The following CHRNA7 variants were observed in gnomAD, a reference collection of about 807,000 sequenced individuals.
CHRNA7 encodes the protein cholinergic receptor nicotinic alpha 7 subunit.
A neutral mutation model predicts 48.0 loss-of-function variants in CHRNA7; 17 were observed. That is an observed-to-expected ratio of 0.35 (90% CI 0.24 to 0.53). The LOEUF (loss-of-function observed/expected upper bound fraction) is 0.53, where lower values mean the gene tolerates loss of function less well. Among genes scored for constraint, CHRNA7 ranks in the 20% least tolerant of loss-of-function variants. The pLI is 0.92. For missense variants in CHRNA7, 155 were observed against 577.7 expected, an observed-to-expected ratio of 0.27 and a Z score of 7.50; for synonymous variants, 75 against 242.3, an observed-to-expected ratio of 0.31 and a Z score of 6.41.
At chr15:32,114,061 C>CATATATATATATATATATATGT (rs35944403) in intron 4 of CHRNA7, among the ~76,000 whole-genome samples, 2 of 120,206 alleles carry the variant, frequency 1.7e-5, no homozygotes, top group Non-Finnish European at 3.3e-5. Flanking sequence ...TATATATATA[C>CATATATATATATATATATATGT]ATATATATAT....
chr15:32,032,250 C>G (rs1161735141), intron 2 of CHRNA7, among the ~76,000 whole-genome samples: 1 of 152,118 alleles, frequency 6.6e-6, no homozygotes, highest in Non-Finnish European at 1.5e-5. Flanking sequence ...ATGAGAAGAG[C>G]TGTAGGGGAA....
At chr15:32,074,668 T>TA (rs2050109644) in intron 2 of CHRNA7, among the ~76,000 whole-genome samples, 1 of 150,298 alleles carries the variant, frequency 6.7e-6, no homozygotes, top group African/African-American at 2.4e-5. Flanking sequence ...TTATTATTAT[T>TA]TTTGAGACAG....
At chr15:32,076,979 T>C (rs2050145016) in intron 2 of CHRNA7, among the ~76,000 whole-genome samples, 1 of 152,184 alleles carries the variant, frequency 6.6e-6, no homozygotes, top group Non-Finnish European at 1.5e-5. Context: ...CTTTTTATAG[T>C]ATCTATAATT....
At chr15:32,066,157 G>T (rs1467803584) in intron 2 of CHRNA7, among the ~76,000 whole-genome samples, 2 of 152,260 alleles carry the variant, frequency 1.3e-5, no homozygotes, top group Admixed American at 6.5e-5. Context: ...AAAGACTTTA[G>T]TGAGTATACA....
intron 2 of CHRNA7, 124 bp downstream of exon 2, chr15:32,031,161 GCA>G: frequency 1.8e-6 from 2 of 1,118,914 alleles, no homozygotes; most frequent in Non-Finnish European, 2.6e-6. Context: ...CCCAAGCTAG[GCA>G]GGGCCATGCT....
intron 2 of CHRNA7, among the ~76,000 whole-genome samples, chr15:32,055,529 T>C (rs1333819066): frequency 6.6e-6 from 1 of 152,130 alleles, no homozygotes. Context: ...CTAAACCTGC[T>C]CCCTTCATAA....
intron 2 of CHRNA7, among the ~76,000 whole-genome samples, chr15:32,048,187 A>C (rs541478784): frequency 6.6e-6 from 1 of 152,326 alleles, no homozygotes; most frequent in South Asian, 2.1e-4. Flanking sequence ...TGGCCTCATG[A>C]AATGAGTTAG....
rs571340707 is a variant in CHRNA7, at chr15:32,149,773, G to A, written c.351-4134G>A. Among the ~76,000 whole-genome samples, 116 of 152,058 alleles carry A rather than the reference G, an allele frequency of 7.6e-4. No individual in the cohort carries two copies. The highest frequency in any genetic ancestry group is 1.4e-3 in the Non-Finnish European group (97 of 67,962). Reference sequence around the variant, plus strand: ...AGTCACAGGTAAGCTGTTGCTAATAGCAACAGTTTTTTTATCTTGTTTTTA... The same window carrying A: ...AGTCACAGGTAAGCTGTTGCTAATAACAACAGTTTTTTTATCTTGTTTTTA... On this transcript the variant is annotated intron_variant, in intron 4 of 9. Transcript: ENST00000306901. This position sits in a 1 kb window ranked among gnomAD's most constrained non-coding sequence, Gnocchi z 4.6.
intron 4 of CHRNA7, among the ~76,000 whole-genome samples, chr15:32,140,143 G>C (rs958534730): frequency 1.4e-5 from 2 of 145,268 alleles, no homozygotes; most frequent in African/African-American, 5.1e-5. Flanking sequence ...TCATTGTTCA[G>C]TTCCCGTCTA....
intron 3 of CHRNA7, 34 bp from the exon 4 acceptor site, chr15:32,111,756 A>G: frequency 1.6e-6 from 2 of 1,271,932 alleles, no homozygotes; most frequent in Non-Finnish European, 2.3e-6. Flanking sequence ...TAGCCAAGGA[A>G]GTGAAGTGCT....
chr15:32,048,935 G>A (rs1233740246), intron 2 of CHRNA7, among the ~76,000 whole-genome samples: 1 of 150,780 alleles, frequency 6.6e-6, no homozygotes, highest in Non-Finnish European at 1.5e-5. Context: ...GTACCCAGTA[G>A]TCATTCAGGA....
intron 4 of CHRNA7, among the ~76,000 whole-genome samples, chr15:32,140,344 C>G (rs2051355349): frequency 6.6e-6 from 1 of 152,088 alleles, no homozygotes; most frequent in African/African-American, 2.4e-5. Context: ...GGGTTGGTTC[C>G]AAGTCTTTGC....
chr15:32,032,892 T>G (rs1796172317), intron 2 of CHRNA7, among the ~76,000 whole-genome samples: 1 of 152,222 alleles, frequency 6.6e-6, no homozygotes, highest in Non-Finnish European at 1.5e-5. Flanking sequence ...TAAGAGACTC[T>G]TAAGAAACCA....
intron 3 of CHRNA7, among the ~76,000 whole-genome samples, chr15:32,104,910 G>C (rs1372129342): frequency 6.6e-6 from 1 of 152,192 alleles, no homozygotes; most frequent in African/African-American, 2.4e-5. Flanking sequence ...TTATGGAGAG[G>C]TCTCTCTCCC....
chr15:32,053,219 A>G (rs2049723502), intron 2 of CHRNA7, among the ~76,000 whole-genome samples: 1 of 152,206 alleles, frequency 6.6e-6, no homozygotes, highest in African/African-American at 2.4e-5. Flanking sequence ...TTGCCTTTCA[A>G]GGCTACCACT....
Position 32,170,428 on chromosome 15 carries a change from T to G in CHRNA7, c.*1970T>G, listed in dbSNP as rs918901667. On this transcript the variant is annotated 3_prime_UTR_variant, in exon 10 of 10. Transcript: ENST00000306901. The stretch of plus-strand genomic sequence containing the variant: ...ATGAACCATGCACAAGATTTTCGGT[T>G]TTTTTTTTTTTTTCTGTTACAGTGT... 1.9e-3 allele frequency: 31 copies of G among 16,368 alleles called. No homozygotes were observed. Among genetic ancestry groups the G allele is most frequent in the African/African-American group, 4.6e-3 (26 of 5,672 alleles). The allele number at this position is 16,368 out of a possible 1,614,324, so 1.0% of individuals were successfully genotyped here. A position where few individuals can be genotyped will look rare whatever the true frequency, so the allele number is the denominator to read the frequency against.
At chr15:32,089,385 C>T (rs2050347391) in intron 2 of CHRNA7, among the ~76,000 whole-genome samples, 1 of 152,040 alleles carries the variant, frequency 6.6e-6, no homozygotes, top group African/African-American at 2.4e-5. Context: ...CCTTGCTTGG[C>T]TGTGTCCAGG....
At position 32,060,164 on chromosome 15, in the gene CHRNA7, C is replaced by T. The variant is rs187118263; in HGVS notation, c.195+29127C>T. On this transcript the variant is annotated intron_variant, in intron 2 of 9. Coordinates refer to ENST00000306901, the MANE Select transcript of CHRNA7 (RefSeq NM_000746.6). Reference sequence around the variant, plus strand: ...GCCTAATTGTCAGTTGTCAAACATCCCATGAAACATCAACAGCAATCTATA... The same window carrying T: ...GCCTAATTGTCAGTTGTCAAACATCTCATGAAACATCAACAGCAATCTATA... Among the ~76,000 whole-genome samples the T allele has an allele frequency of 3.4e-3, 516 of 152,156 alleles. 1 individual carries two copies. Among genetic ancestry groups the T allele is most frequent in the Non-Finnish European group, 6.0e-3 (407 of 68,002 alleles).
intron 2 of CHRNA7, among the ~76,000 whole-genome samples, chr15:32,036,163 G>A (rs1045166225): frequency 3.3e-5 from 5 of 152,108 alleles, no homozygotes; most frequent in African/African-American, 7.2e-5. Context: ...CCACAATGTC[G>A]TATGGTTGGA....
Sources: allele counts gnomAD v4.1 joint callset (sites outside exome capture counted in the v4.1 genomes callset), GRCh38; gene constraint gnomAD v4.1.1; non-coding constraint Gnocchi (gnomAD v3.1); transcripts MANE v1.5; gene names NCBI Gene and HGNC (gene_info 2026-07-23, HGNC 2026-07-21).